Variants in IFT88 observed in about 807,000 individuals in gnomAD.
IFT88 encodes the protein intraflagellar transport protein 88 homolog.
In IFT88, 74 loss-of-function variants were observed where a neutral mutation model predicts 119.5. The observed-to-expected ratio is 0.62, with a 90% confidence interval of 0.51 to 0.75. The LOEUF (loss-of-function observed/expected upper bound fraction) is 0.75, where lower values mean the gene tolerates loss of function less well. IFT88 is among the 30% of genes least tolerant of loss of function. IFT88 has a pLI of 0.00. For synonymous variants in IFT88, 279 were observed against 316.7 expected (o/e 0.88, Z 1.26); for missense variants, 961 against 977.7 (o/e 0.98, Z 0.23).
chr13:20,673,283 G>GTT (rs1360943947), intron 24 of IFT88, among the ~76,000 whole-genome samples: 4 of 152,132 alleles, frequency 2.6e-5, no homozygotes, highest in African/African-American at 9.7e-5. Flanking sequence ...TTAAGCCTTA[G>GTT]TTTCCCAGAT....
intron 24 of IFT88, among the ~76,000 whole-genome samples, chr13:20,684,259 G>T (rs1041243236): frequency 6.6e-6 from 1 of 152,168 alleles, no homozygotes; most frequent in Non-Finnish European, 1.5e-5. Flanking sequence ...TGCTGGAACA[G>T]TCACTGGGGC....
In IFT88 at chr13:20,589,795, C is replaced by G; in HGVS notation, c.154-16C>G. 1 of 1,576,200 alleles carries G rather than the reference C, an allele frequency of 6.3e-7. No homozygotes were observed. Among genetic ancestry groups the G allele is most frequent in the Non-Finnish European group, 8.7e-7 (1 of 1,151,886 alleles). On this transcript the variant is annotated splice_polypyrimidine_tract_variant and intron_variant, in intron 3 of 25. Transcript: ENST00000351808. The stretch of plus-strand genomic sequence containing the variant: ...CAGTCTGAATCCTGTTAACTATGTT[C>G]TTTTTCCTCCCCAAGATAACTGCTA...
intron 11 of IFT88, 62 bp downstream of exon 11, chr13:20,599,627 T>C (rs2042277201): frequency 1.4e-6 from 1 of 733,730 alleles, no homozygotes; most frequent in Non-Finnish European, 2.3e-6. Flanking sequence ...ACAAGATAAC[T>C]CTTCTGACCT....
intron 1 of IFT88, 59 bp from the exon 2 acceptor site, chr13:20,574,321 A>T: frequency 1.1e-6 from 1 of 927,054 alleles, no homozygotes; most frequent in Non-Finnish European, 1.6e-6. Context: ...CATATCTCAA[A>T]AAATATATAT....
intron 1 of IFT88, 48 bp from the exon 2 acceptor site, chr13:20,574,332 A>G: frequency 2.0e-6 from 2 of 1,021,370 alleles, no homozygotes; most frequent in East Asian, 2.7e-5. Context: ...AAATATATAT[A>G]TATATTTCTT....
At chr13:20,615,001 G>A (rs138130003) in intron 13 of IFT88, among the ~76,000 whole-genome samples, 2,698 of 152,082 alleles carry the variant, frequency 0.018, 71 homozygotes, top group African/African-American at 0.062. Context: ...ATTTTTAGTA[G>A]AGACGGGGTT....
chr13:20,607,339 C>A, intron 13 of IFT88: 1 of 514,822 alleles, frequency 1.9e-6, no homozygotes, highest in East Asian at 4.8e-5. Context: ...ACGTCAGCTT[C>A]TGGAAGGTGC....
intron 1 of IFT88, among the ~76,000 whole-genome samples, chr13:20,570,373 A>G (rs182209917): frequency 5.3e-4 from 80 of 152,350 alleles, no homozygotes; most frequent in African/African-American, 1.8e-3. Context: ...TTTACTAGAT[A>G]TATTCCCAAT....
At chr13:20,568,760 C>T (rs1010325672) in intron 1 of IFT88, among the ~76,000 whole-genome samples, 14 of 152,080 alleles carry the variant, frequency 9.2e-5, no homozygotes, top group African/African-American at 3.4e-4. Context: ...CGCTCTGTTG[C>T]CCAGGCTGGA....
chr13:20,618,457 A>G (rs1310859276), intron 14 of IFT88, among the ~76,000 whole-genome samples: 1 of 152,228 alleles, frequency 6.6e-6, no homozygotes, highest in Non-Finnish European at 1.5e-5. Context: ...GGGATTTTAA[A>G]TAGTCCCAAC....
intron 20 of IFT88, among the ~76,000 whole-genome samples, chr13:20,651,895 A>G (rs922127327): frequency 2.6e-5 from 4 of 152,230 alleles, no homozygotes; most frequent in African/African-American, 9.6e-5. Context: ...ATATTATTCC[A>G]CTATACAAAG....
intron 20 of IFT88, among the ~76,000 whole-genome samples, chr13:20,648,378 A>G (rs2051064007): frequency 1.3e-5 from 2 of 152,242 alleles, no homozygotes; most frequent in Non-Finnish European, 2.9e-5. Flanking sequence ...CCTGGGTGAC[A>G]GAGCGAGACT....
intron 1 of IFT88, among the ~76,000 whole-genome samples, chr13:20,572,790 T>C (rs1281483916): frequency 6.6e-6 from 1 of 152,012 alleles, no homozygotes; most frequent in Admixed American, 6.6e-5. Context: ...CTAACCCCCA[T>C]CCCCAAGAAG....
At chr13:20,583,489 T>A (rs563663289) in intron 3 of IFT88, among the ~76,000 whole-genome samples, 43 of 152,352 alleles carry the variant, frequency 2.8e-4, no homozygotes, top group Admixed American at 2.7e-3. Context: ...TGTTCATTTT[T>A]GTTATTCAGT....
At chr13:20,667,048 T>A (rs1170272899) in intron 23 of IFT88, among the ~76,000 whole-genome samples, 1 of 152,202 alleles carries the variant, frequency 6.6e-6, no homozygotes, top group Non-Finnish European at 1.5e-5. Context: ...AATACAGATT[T>A]CCGTCACTTT....
chr13:20,676,200 TC>T (rs937342966), intron 24 of IFT88, among the ~76,000 whole-genome samples: 1 of 152,218 alleles, frequency 6.6e-6, no homozygotes, highest in Non-Finnish European at 1.5e-5. Flanking sequence ...CTTGTCATAA[TC>T]CCATTCCTGG....
At chr13:20,663,240 G>A (rs2140843274) in intron 22 of IFT88, 1 of 1,431,016 alleles carries the variant, frequency 7.0e-7, no homozygotes, top group African/African-American at 1.4e-5. Context: ...TGCCAGCAGT[G>A]TCCTGTGCCA....
intron 1 of IFT88, among the ~76,000 whole-genome samples, chr13:20,573,489 A>G (rs539012059): frequency 6.6e-6 from 1 of 152,288 alleles, no homozygotes; most frequent in Non-Finnish European, 1.5e-5. Flanking sequence ...CTTTAGGTCG[A>G]CAGCTACTAT....
At chr13:20,579,878 C>T (rs1275924310) in intron 2 of IFT88, among the ~76,000 whole-genome samples, 1 of 152,156 alleles carries the variant, frequency 6.6e-6, no homozygotes, top group Non-Finnish European at 1.5e-5. Flanking sequence ...ACGAATCCTG[C>T]CATGGCTGGG....
Sources: gnomAD v4.1 joint callset for allele counts (sites outside exome capture counted in the v4.1 genomes callset) on GRCh38, gnomAD v4.1.1 for gene constraint, MANE v1.5 for transcripts, NCBI Gene and HGNC (gene_info 2026-07-23, HGNC 2026-07-21) for gene names.